The following TNFRSF19 variants were observed in gnomAD, a reference collection of about 807,000 sequenced individuals.
TNFRSF19 encodes the protein tumor necrosis factor receptor superfamily member 19.
A neutral mutation model predicts 46.4 loss-of-function variants in TNFRSF19; 27 were observed. That is an observed-to-expected ratio of 0.58 (90% CI 0.43 to 0.80). The LOEUF (loss-of-function observed/expected upper bound fraction) is 0.80, where lower values mean the gene tolerates loss of function less well. Ranked by LOEUF, TNFRSF19 falls within the 30% of genes least tolerant of loss-of-function variation. TNFRSF19 has a pLI of 0.00. For synonymous variants in TNFRSF19, 204 were observed against 205.0 expected (o/e 1.00, Z 0.04); for missense variants, 511 against 530.8 (o/e 0.96, Z 0.37).
rs139610760 is a variant in TNFRSF19, at chr13:23,593,284, C to A, written c.70-61C>A. On this transcript the variant is annotated intron_variant, in intron 2 of 9. Coordinates refer to ENST00000248484, the MANE Select transcript of TNFRSF19 (RefSeq NM_148957.4). ...CTAATATTGAAAATATTGTTCCTTTCTTGCAAAAAAAAATGTTTAACATAC... is the reference window on the plus strand; with the variant it reads ...CTAATATTGAAAATATTGTTCCTTTATTGCAAAAAAAAATGTTTAACATAC... 1.7e-4 allele frequency: 170 copies of A among 1,018,024 alleles called. No homozygotes were observed. In the East Asian group the frequency reaches 3.9e-3, roughly 23 times the overall value. The allele number at this position is 1,018,024 out of a possible 1,614,324, so 63.1% of individuals were successfully genotyped here. A position where few individuals can be genotyped will look rare whatever the true frequency, so the allele number is the denominator to read the frequency against.
chr13:23,624,412 C>G (rs1881861333), intron 4 of TNFRSF19, among the ~76,000 whole-genome samples: 1 of 151,422 alleles, frequency 6.6e-6, no homozygotes, highest in Non-Finnish European at 1.5e-5. Flanking sequence ...TATTATATAT[C>G]CTTTGAAAAG....
In TNFRSF19 at chr13:23,674,960, T is replaced by A. The variant is rs1951808498; in HGVS notation, c.*1580T>A. The A allele has an allele frequency of 6.6e-6, 1 of 152,192 alleles. No homozygotes were observed. Among genetic ancestry groups the A allele is most frequent in the African/African-American group, 2.4e-5 (1 of 41,436 alleles). 9.4% of individuals were successfully genotyped at this position (152,192 alleles called of 1,614,324 possible). A position where few individuals can be genotyped will look rare whatever the true frequency, so the allele number is the denominator to read the frequency against. ...TACTAGCTTGCCTGTGTCTGGTACA[T>A]CTCATGACCTCAATTCCCTCACCTG... On this transcript the variant is annotated 3_prime_UTR_variant, in exon 10 of 10. Coordinates refer to ENST00000248484, the MANE Select transcript of TNFRSF19 (RefSeq NM_148957.4).
chr13:23,631,482 T>C (rs999801762), intron 5 of TNFRSF19, among the ~76,000 whole-genome samples: 3 of 152,220 alleles, frequency 2.0e-5, no homozygotes, highest in African/African-American at 7.2e-5. Context: ...TCTGAGGCTG[T>C]TCCTATTCCA....
intron 1 of TNFRSF19, among the ~76,000 whole-genome samples, chr13:23,574,387 TAAGAATTACACA>T (rs1877827214): frequency 6.6e-6 from 1 of 152,154 alleles, no homozygotes; most frequent in Non-Finnish European, 1.5e-5. Context: ...TCATTCTTTT[TAAGAATTACACA>T]AAGCTGAACT....
chr13:23,617,718 C>T (rs952961428), intron 4 of TNFRSF19, among the ~76,000 whole-genome samples: 3 of 152,212 alleles, frequency 2.0e-5, no homozygotes, highest in African/African-American at 7.2e-5. Flanking sequence ...GTACCAGGCA[C>T]CTGGCCAAGT....
chr13:23,662,656 A>G (rs1884444651), intron 7 of TNFRSF19, among the ~76,000 whole-genome samples: 1 of 152,224 alleles, frequency 6.6e-6, no homozygotes, highest in Non-Finnish European at 1.5e-5. Context: ...ATTCCTATCC[A>G]TGAGCATGTG....
At position 23,581,997 on chromosome 13, in the gene TNFRSF19, A is replaced by G. The variant is rs149444943; in HGVS notation, c.-34-8153A>G. On this transcript the variant is annotated intron_variant, in intron 1 of 9. Transcript: ENST00000248484. ...CACTTGAATAAAACACACTCCCAATAAATACATTGATAGCTGCCTATGTGA... is the reference window on the plus strand; with the variant it reads ...CACTTGAATAAAACACACTCCCAATGAATACATTGATAGCTGCCTATGTGA... Among the ~76,000 whole-genome samples, 693 of 152,290 alleles carry G rather than the reference A, an allele frequency of 4.6e-3. 4 individuals are homozygous for G. Among genetic ancestry groups the G allele is most frequent in the Non-Finnish European group, 8.2e-3 (558 of 68,018 alleles).
chr13:23,642,486 A>G (rs1242028318), intron 5 of TNFRSF19, among the ~76,000 whole-genome samples: 3 of 152,238 alleles, frequency 2.0e-5, no homozygotes, highest in South Asian at 2.1e-4. Context: ...GGTTTTACCA[A>G]TAAGGAAACT....
chr13:23,609,127 G>C (rs1880719421), intron 3 of TNFRSF19, among the ~76,000 whole-genome samples: 1 of 152,104 alleles, frequency 6.6e-6, no homozygotes, highest in African/African-American at 2.4e-5. Context: ...GAAAATATAT[G>C]ACAGGTCGCT....
chr13:23,581,189 G>A (rs1377299559), intron 1 of TNFRSF19, among the ~76,000 whole-genome samples: 1 of 149,352 alleles, frequency 6.7e-6, no homozygotes, highest in Non-Finnish European at 1.5e-5. Context: ...GTGCAGTGGC[G>A]CTCTGCGCAC....
At chr13:23,619,774 G>C (rs1047955502) in intron 4 of TNFRSF19, among the ~76,000 whole-genome samples, 1 of 152,148 alleles carries the variant, frequency 6.6e-6, no homozygotes, top group African/African-American at 2.4e-5. Context: ...AGGTCTACAG[G>C]GGATGTACAG....
At chr13:23,583,594 A>G (rs1345049167) in intron 1 of TNFRSF19, among the ~76,000 whole-genome samples, 1 of 152,212 alleles carries the variant, frequency 6.6e-6, no homozygotes, top group Non-Finnish European at 1.5e-5. Flanking sequence ...AAGACAAAGG[A>G]ACTTGTGTGT....
At chr13:23,664,439 C>T (rs537270386) in intron 7 of TNFRSF19, among the ~76,000 whole-genome samples, 2 of 152,100 alleles carry the variant, frequency 1.3e-5, no homozygotes, top group Non-Finnish European at 2.9e-5. Context: ...CCCACTCCCC[C>T]ACCACCCTAC....
intron 5 of TNFRSF19, among the ~76,000 whole-genome samples, chr13:23,650,871 TA>T (rs536260769): frequency 1.3e-5 from 2 of 152,316 alleles, no homozygotes; most frequent in East Asian, 3.9e-4. Flanking sequence ...GTCTAAAATA[TA>T]AAAAACATAA....
At chr13:23,599,630 G>A (rs1879986783) in intron 3 of TNFRSF19, among the ~76,000 whole-genome samples, 2 of 152,160 alleles carry the variant, frequency 1.3e-5, no homozygotes, top group Non-Finnish European at 2.9e-5. Flanking sequence ...AGAAAGGAAT[G>A]CCTAGAGTCA....
Position 23,675,586 on chromosome 13 carries a change from G to C in TNFRSF19, c.*2206G>C, listed in dbSNP as rs937603532. ...ACCTACTCTAGAAATATACAACAATGTTATATTTTACACTCCTTGGAAACA... is the reference window on the plus strand; with the variant it reads ...ACCTACTCTAGAAATATACAACAATCTTATATTTTACACTCCTTGGAAACA... On this transcript the variant is annotated 3_prime_UTR_variant, in exon 10 of 10. Coordinates refer to ENST00000248484, the MANE Select transcript of TNFRSF19 (RefSeq NM_148957.4). The C allele has an allele frequency of 6.6e-6, 1 of 152,072 alleles. No homozygotes were observed. Among genetic ancestry groups the C allele is most frequent in the Non-Finnish European group, 1.5e-5 (1 of 68,014 alleles). The allele number at this position is 152,072 out of a possible 1,614,324, so 9.4% of individuals were successfully genotyped here.
chr13:23,574,157 T>C (rs1877808659), intron 1 of TNFRSF19, among the ~76,000 whole-genome samples: 1 of 151,968 alleles, frequency 6.6e-6, no homozygotes, highest in African/African-American at 2.4e-5. Context: ...AGGACTCTCA[T>C]GGCCAAACAA....
intron 5 of TNFRSF19, 89 bp downstream of exon 5, chr13:23,626,881 G>GAGCCA: frequency 7.9e-7 from 1 of 1,263,842 alleles, no homozygotes. Flanking sequence ...CTGGCAGATG[G>GAGCCA]AGCCAAATCT....
chr13:23,579,739 G>A (rs1010569272), intron 1 of TNFRSF19, among the ~76,000 whole-genome samples: 32 of 151,962 alleles, frequency 2.1e-4, no homozygotes, highest in Middle Eastern at 3.4e-3. Context: ...CAGGCGGCGA[G>A]GCGGTGGGAG....
Sources: allele counts gnomAD v4.1 joint callset (sites outside exome capture counted in the v4.1 genomes callset), GRCh38; gene constraint gnomAD v4.1.1; transcripts MANE v1.5; gene names NCBI Gene and HGNC (gene_info 2026-07-23, HGNC 2026-07-21).